Variants in KCNH1 observed in about 807,000 individuals in gnomAD.
KCNH1 encodes voltage-gated delayed rectifier potassium channel KCNH1.
Under a neutral mutation model 69.2 loss-of-function variants are expected in KCNH1, and 27 were observed. The observed-to-expected ratio is 0.39, with a 90% confidence interval of 0.29 to 0.54. The LOEUF is 0.54. Among genes scored for constraint, KCNH1 ranks in the 20% least tolerant of loss-of-function variants. KCNH1 has a pLI of 0.68. For missense variants in KCNH1, 798 were observed against 1,261.6 expected, an observed-to-expected ratio of 0.63 and a Z score of 5.57; for synonymous variants, 456 against 487.7, an observed-to-expected ratio of 0.93 and a Z score of 0.86.
chr1:210,924,641 C>T (rs750973076), intron 6 of KCNH1, among the ~76,000 whole-genome samples: 3 of 152,144 alleles, frequency 2.0e-5, no homozygotes, highest in Non-Finnish European at 2.9e-5. Flanking sequence ...AGACTTCTTG[C>T]ATCAGAAAAC....
intron 8 of KCNH1, among the ~76,000 whole-genome samples, chr1:210,802,576 TAAGTA>T (rs1307530090): frequency 1.3e-5 from 2 of 152,198 alleles, no homozygotes; most frequent in South Asian, 2.1e-4. Flanking sequence ...AGAAAATTCA[TAAGTA>T]AATAATAGGA....
intron 10 of KCNH1, among the ~76,000 whole-genome samples, chr1:210,690,159 G>A (rs1681498039): frequency 6.6e-6 from 1 of 152,188 alleles, no homozygotes; most frequent in Non-Finnish European, 1.5e-5. Flanking sequence ...GAGGAAACGC[G>A]CAGGCCCTGC....
rs561807308 is a variant in KCNH1, at chr1:211,091,166, T to C, written c.311-476A>G. Among the ~76,000 whole-genome samples the C allele has an allele frequency of 2.6e-5, 4 of 152,254 alleles. No individual in the cohort carries two copies. In the South Asian group the frequency reaches 8.3e-4, roughly 32 times the overall value. On this transcript the variant is annotated intron_variant, in intron 3 of 10. Coordinates refer to ENST00000271751, the MANE Select transcript of KCNH1 (RefSeq NM_172362.3). ...CAGTTTAGGAATCCACCAATTTGAC[T>C]CACATGACCAATCACACATGGGCCA...
At chr1:211,077,736 A>G (rs1475304610) in intron 5 of KCNH1, among the ~76,000 whole-genome samples, 4 of 152,220 alleles carry the variant, frequency 2.6e-5, no homozygotes, top group African/African-American at 4.8e-5. Flanking sequence ...TCATAATGAC[A>G]GGATCAAATT....
chr1:210,775,414 T>A lies in KCNH1; in HGVS notation c.2046A>T (p.Glu682Asp). The change falls in exon 10 of 11, where the codon GAA becomes GAT. Residue 682 changes from glutamate to aspartate, a missense_variant. Transcript: ENST00000271751. ...AGGAATGGGAGAAGGCCGTGTAGAA[T>A]TCCAGCACTTTCTGCAGGGCATCCC... The part of the protein sequence containing the change: ...IKRDALQKVL[E>D]FYTAFSHSFS... 1 of 1,614,152 alleles carries A rather than the reference T, an allele frequency of 6.2e-7. No homozygotes were observed. The highest frequency in any genetic ancestry group is 1.1e-5 in the South Asian group (1 of 91,086).
chr1:210,884,494 C>T (rs986117694), intron 7 of KCNH1, among the ~76,000 whole-genome samples: 3 of 152,164 alleles, frequency 2.0e-5, no homozygotes, highest in African/African-American at 7.2e-5. Flanking sequence ...AATGTCTTTA[C>T]CCAAAGGCAC....
chr1:210,881,647 T>C (rs1466166053), intron 7 of KCNH1, among the ~76,000 whole-genome samples: 2 of 152,196 alleles, frequency 1.3e-5, no homozygotes, highest in Non-Finnish European at 2.9e-5. Context: ...TGTCCTTCAG[T>C]AGATGAATGG....
intron 7 of KCNH1, among the ~76,000 whole-genome samples, chr1:210,908,301 A>G (rs1178110643): frequency 2.0e-5 from 3 of 152,238 alleles, no homozygotes; most frequent in South Asian, 2.1e-4. Context: ...GGCTTAAATC[A>G]TACATTCAAC....
chr1:211,010,776 G>A (rs1483085303), intron 6 of KCNH1, among the ~76,000 whole-genome samples: 1 of 152,114 alleles, frequency 6.6e-6, no homozygotes, highest in African/African-American at 2.4e-5. Flanking sequence ...GGAGTTGTAT[G>A]CCTATCCCCT....
chr1:210,861,396 C>T, intron 7 of KCNH1: 1 of 777,716 alleles, frequency 1.3e-6, no homozygotes, highest in East Asian at 2.4e-5. Flanking sequence ...ACAACAAATT[C>T]CTTCAGAAAT....
chr1:210,907,324 G>A (rs528181517), intron 7 of KCNH1, among the ~76,000 whole-genome samples: 10 of 152,120 alleles, frequency 6.6e-5, no homozygotes, highest in Non-Finnish European at 1.2e-4. Flanking sequence ...GAAGCATGAA[G>A]TTTGGTCCAA....
Position 210,797,665 on chromosome 1 carries a change from A to G in KCNH1, c.1758T>C (p.Ser586=). The G allele has an allele frequency of 1.2e-6, 2 of 1,614,204 alleles. No homozygotes were observed. Among genetic ancestry groups the G allele is most frequent in the Non-Finnish European group, 1.7e-6 (2 of 1,180,032 alleles). ...FKEHPAFRLA[S]DGCLRALAME... is the part of the protein sequence containing the mutation. ...TGGCCAGTGCCCGGAGGCAGCCATC[A>G]CTGGCCAGCCGGAAGGCCGGGTGCT... Residue 586 remains serine (S), a synonymous_variant, in exon 9 of 11, where the codon AGT becomes AGC. Coordinates refer to ENST00000271751, the MANE Select transcript of KCNH1 (RefSeq NM_172362.3).
chr1:210,911,837 A>T (rs2102550387), intron 7 of KCNH1, among the ~76,000 whole-genome samples: 1 of 152,278 alleles, frequency 6.6e-6, no homozygotes, highest in East Asian at 1.9e-4. Context: ...TTTTGTCACC[A>T]TAATTATAGT....
chr1:210,718,503 A>T (rs1428819283), intron 10 of KCNH1, among the ~76,000 whole-genome samples: 7 of 49,272 alleles, frequency 1.4e-4, no homozygotes, highest in African/African-American at 8.4e-4. Flanking sequence ...TATATATATA[A>T]AATATATACA....
intron 10 of KCNH1, among the ~76,000 whole-genome samples, chr1:210,704,161 G>A (rs1355680141): frequency 1.3e-5 from 2 of 152,090 alleles, no homozygotes; most frequent in East Asian, 1.9e-4. Flanking sequence ...AACATGTGTC[G>A]AAGGCAGCAG....
chr1:210,915,441 G>T (rs917367704), intron 7 of KCNH1, among the ~76,000 whole-genome samples: 4 of 152,048 alleles, frequency 2.6e-5, no homozygotes, highest in African/African-American at 9.7e-5. Flanking sequence ...GTTTCTCTTG[G>T]CATTACCAAT....
intron 6 of KCNH1, among the ~76,000 whole-genome samples, chr1:210,956,752 T>C (rs758971684): frequency 1.3e-5 from 2 of 152,136 alleles, no homozygotes; most frequent in Non-Finnish European, 2.9e-5. Context: ...GTGGGATTGG[T>C]GGTGATATCC....
intron 7 of KCNH1, among the ~76,000 whole-genome samples, chr1:210,897,869 C>T (rs1002316484): frequency 1.3e-5 from 2 of 152,180 alleles, no homozygotes; most frequent in East Asian, 3.9e-4. Context: ...CGAGCTGATG[C>T]TCCAAGATGG....
intron 1 of KCNH1, among the ~76,000 whole-genome samples, chr1:211,116,696 G>T (rs766518103): frequency 1.3e-5 from 2 of 152,156 alleles, no homozygotes; most frequent in Non-Finnish European, 2.9e-5. Flanking sequence ...GCCCCAGCCT[G>T]GTGGGGAAAG....
Sources: allele counts gnomAD v4.1 joint callset (sites outside exome capture counted in the v4.1 genomes callset), GRCh38; gene constraint gnomAD v4.1.1; transcripts MANE v1.5; gene names NCBI Gene and HGNC (gene_info 2026-07-23, HGNC 2026-07-21).